Variants in RIC8B observed in about 807,000 individuals in gnomAD.
RIC8B encodes RIC8 guanine nucleotide exchange factor B, also known as chaperone Ric-8B.
Under a neutral mutation model 57.5 loss-of-function variants are expected in RIC8B, and 16 were observed. The ratio of observed to expected loss-of-function variants is 0.28; its 90% CI spans 0.19 to 0.42. The LOEUF is 0.42. Among genes scored for constraint, RIC8B ranks in the 10% least tolerant of loss-of-function variants. RIC8B has a pLI of 1.00. For missense variants in RIC8B, 481 were observed against 677.0 expected (o/e 0.71, Z 3.21); for synonymous variants, 216 against 250.8 (o/e 0.86, Z 1.31).
intron 9 of RIC8B, among the ~76,000 whole-genome samples, chr12:106,875,504 A>G (rs965997344): frequency 6.6e-6 from 1 of 152,152 alleles, no homozygotes; most frequent in Non-Finnish European, 1.5e-5. Flanking sequence ...AAAAGGGGAG[A>G]GAGCATTGAC....
At chr12:106,852,975 A>G (rs149250613) in intron 7 of RIC8B, among the ~76,000 whole-genome samples, 83 of 152,334 alleles carry the variant, frequency 5.4e-4, no homozygotes, top group Non-Finnish European at 1.0e-3. Context: ...TAAATCCAAA[A>G]TCACACATAT....
rs145112633 is a variant in RIC8B at position 106,798,965 on chromosome 12, C to G, written c.132+14921C>G. On this transcript the variant is annotated intron_variant, in intron 2 of 9. Transcript: ENST00000392837. The stretch of plus-strand genomic sequence containing the variant: ...CTACTTGAGTCATGTTCTTTTATAT[C>G]TCACTAACTCAAAATAGACATCTTG... 3.0e-3 allele frequency among the ~76,000 whole-genome samples: 451 copies of G among 152,256 alleles called. 1 individual carries two copies. Among genetic ancestry groups the G allele is most frequent in the Admixed American group, 6.3e-3 (97 of 15,290 alleles).
intron 6 of RIC8B, 110 bp downstream of exon 6, chr12:106,844,057 T>C: frequency 2.6e-6 from 2 of 769,044 alleles, no homozygotes; most frequent in Non-Finnish European, 4.3e-6. Flanking sequence ...AATCAGAAAC[T>C]CAGTCTTAAT....
chr12:106,793,101 A>G (rs964588215), intron 2 of RIC8B, among the ~76,000 whole-genome samples: 2 of 152,100 alleles, frequency 1.3e-5, no homozygotes, highest in African/African-American at 4.8e-5. Flanking sequence ...TAGCAGCTGT[A>G]CCTTGGATGT....
rs950277069 is a variant in RIC8B, at chr12:106,888,639, G to C, written c.*2624G>C. ...AGCAATAACTATTTCAACAGAACTA[G>C]TTTAAAGAGGTTTTTAAGCAGGGAA... On this transcript the variant is annotated 3_prime_UTR_variant, in exon 10 of 10. Transcript: ENST00000392837. 1.3e-5 allele frequency: 2 copies of C among 152,636 alleles called. No individual in the cohort carries two copies. Among genetic ancestry groups the C allele is most frequent in the East Asian group, 3.8e-4 (2 of 5,198 alleles). 9.5% of individuals were successfully genotyped at this position (152,636 alleles called of 1,614,324 possible). A position where few individuals can be genotyped will look rare whatever the true frequency, so the allele number is the denominator to read the frequency against.
chr12:106,789,883 A>T (rs2044193372), intron 2 of RIC8B, among the ~76,000 whole-genome samples: 1 of 152,042 alleles, frequency 6.6e-6, no homozygotes, highest in South Asian at 2.1e-4. Context: ...TTATATGAAA[A>T]ATCTTTGTGA....
intron 3 of RIC8B, among the ~76,000 whole-genome samples, chr12:106,817,850 A>G (rs967404225): frequency 2.0e-5 from 3 of 146,686 alleles, no homozygotes; most frequent in Non-Finnish European, 4.5e-5. Context: ...AAAATCTCTC[A>G]CCAGAGTGCA....
intron 9 of RIC8B, among the ~76,000 whole-genome samples, chr12:106,873,813 T>A (rs1950550821): frequency 6.6e-6 from 1 of 152,192 alleles, no homozygotes; most frequent in Admixed American, 6.5e-5. Context: ...CAGGGACTGT[T>A]TCACAGGAAA....
chr12:106,777,110 A>G (rs1205193572), intron 1 of RIC8B, among the ~76,000 whole-genome samples: 1 of 152,142 alleles, frequency 6.6e-6, no homozygotes, highest in Non-Finnish European at 1.5e-5. Flanking sequence ...CAGTCCTCTC[A>G]CCTTGGCCTC....
intron 9 of RIC8B, chr12:106,874,627 C>T: frequency 7.9e-7 from 1 of 1,258,502 alleles, no homozygotes; most frequent in Admixed American, 2.2e-5. Flanking sequence ...TATTCACTAC[C>T]AAAATTGTAA....
At chr12:106,800,463 A>G (rs886713418) in intron 2 of RIC8B, among the ~76,000 whole-genome samples, 1 of 152,100 alleles carries the variant, frequency 6.6e-6, no homozygotes, top group Non-Finnish European at 1.5e-5. Flanking sequence ...GTCACCTCCC[A>G]CCATGTAATT....
chr12:106,776,567 C>G (rs116716440), intron 1 of RIC8B, among the ~76,000 whole-genome samples: 6 of 152,144 alleles, frequency 3.9e-5, no homozygotes, highest in African/African-American at 1.4e-4. Flanking sequence ...TTCTCCTTCC[C>G]TTTATGGCTA....
chr12:106,783,934 C>A, intron 1 of RIC8B, 63 bp from the exon 2 acceptor site: 3 of 1,498,774 alleles, frequency 2.0e-6, no homozygotes, highest in Non-Finnish European at 2.8e-6. Context: ...TGCTATTAAA[C>A]GTAGCCAAAA....
intron 4 of RIC8B, among the ~76,000 whole-genome samples, chr12:106,827,220 A>G (rs1049265248): frequency 5.9e-5 from 9 of 152,230 alleles, no homozygotes; most frequent in Non-Finnish European, 1.3e-4. Context: ...GATCAGATTT[A>G]CAATAACAAG....
At chr12:106,820,117 C>T (rs900444674) in intron 3 of RIC8B, among the ~76,000 whole-genome samples, 19 of 152,172 alleles carry the variant, frequency 1.2e-4, no homozygotes, top group African/African-American at 4.3e-4. Context: ...TTTACAGTTA[C>T]AGAAAATGCA....
chr12:106,841,185 G>A (rs1347093281), intron 4 of RIC8B, among the ~76,000 whole-genome samples: 1 of 152,174 alleles, frequency 6.6e-6, no homozygotes, highest in Non-Finnish European at 1.5e-5. Context: ...AGTAGCAGCA[G>A]CAGTATTTGG....
In RIC8B at chr12:106,843,965, A is replaced by ATTTT; in HGVS notation, c.1161+20_1161+21insTTTT. 2 of 1,500,544 alleles carry ATTTT rather than the reference A, an allele frequency of 1.3e-6. No individual in the cohort carries two copies. The highest frequency in any genetic ancestry group is 1.9e-6 in the Non-Finnish European group (2 of 1,078,346). The allele number at this position is 1,500,544 out of a possible 1,614,324, so 93.0% of individuals were successfully genotyped here. A position where few individuals can be genotyped will look rare whatever the true frequency, so the allele number is the denominator to read the frequency against. On this transcript the variant is annotated intron_variant, in intron 6 of 9. Transcript: ENST00000392837. ...AAGATCAGGTAACTGCTTAATGCAT[A>ATTTT]TTACATTGCAAAGTTAGTCTTTTTA...
intron 2 of RIC8B, among the ~76,000 whole-genome samples, chr12:106,802,005 A>C (rs936131972): frequency 6.6e-6 from 1 of 152,204 alleles, no homozygotes; most frequent in Non-Finnish European, 1.5e-5. Flanking sequence ...TAAGAACTAA[A>C]ATTAGATCCT....
chr12:106,874,376 G>T, intron 9 of RIC8B: 3 of 836,924 alleles, frequency 3.6e-6, no homozygotes, highest in Non-Finnish European at 6.0e-6. Context: ...AAAATGAAAT[G>T]GTTTTCTCCT....
Sources: gnomAD v4.1 joint callset for allele counts (sites outside exome capture counted in the v4.1 genomes callset) on GRCh38, gnomAD v4.1.1 for gene constraint, MANE v1.5 for transcripts, NCBI Gene and HGNC (gene_info 2026-07-23, HGNC 2026-07-21) for gene names.